RTN4IP1: variants seen among roughly 807,000 people sequenced by gnomAD.
The protein encoded by RTN4IP1 is NAD(P)H oxidoreductase RTN4IP1, mitochondrial.
A neutral mutation model predicts 46.6 loss-of-function variants in RTN4IP1; 32 were observed. The ratio of observed to expected loss-of-function variants is 0.69; its 90% CI spans 0.52 to 0.92. The LOEUF (loss-of-function observed/expected upper bound fraction) is 0.92, where lower values mean the gene tolerates loss of function less well. Among genes scored for constraint, RTN4IP1 ranks in the 40% least tolerant of loss-of-function variants. The probability of loss-of-function intolerance (pLI) is 0.00; values close to 1 mark genes in which losing one functional copy is unlikely to be tolerated. For synonymous variants in RTN4IP1, 167 were observed against 161.8 expected, an observed-to-expected ratio of 1.03 and a Z score of -0.24; for missense variants, 424 against 485.8, an observed-to-expected ratio of 0.87 and a Z score of 1.20.
At chr6:106,628,656 T>G (rs1776721038) in intron 1 of RTN4IP1, 92 bp downstream of exon 1, 1 of 1,207,394 alleles carries the variant, frequency 8.3e-7, no homozygotes, top group Admixed American at 2.5e-5. Flanking sequence ...TTCATTTATG[T>G]AAACCAAAGA....
intron 4 of RTN4IP1, among the ~76,000 whole-genome samples, chr6:106,608,018 A>G (rs1776130303): frequency 6.6e-6 from 1 of 152,200 alleles, no homozygotes; most frequent in Non-Finnish European, 1.5e-5. Flanking sequence ...TATCAAAGAG[A>G]TATCTGCACT....
chr6:106,576,595 G>C (rs563266859), intron 8 of RTN4IP1, among the ~76,000 whole-genome samples: 1 of 152,340 alleles, frequency 6.6e-6, no homozygotes, highest in East Asian at 1.9e-4. Context: ...TGCTAAACGA[G>C]GGCCCAGCTA....
upstream of RTN4IP1, chr6:106,629,615 C>T (rs1776763280): frequency 1.6e-5 from 25 of 1,554,110 alleles, no homozygotes; most frequent in Non-Finnish European, 2.2e-5. Flanking sequence ...TGTAACATCA[C>T]TAGCGACCGG....
rs1554195777 is a variant in RTN4IP1, at chr6:106,591,427, TTC to T, written c.806+735_806+736del. 9.7e-4 allele frequency among the ~76,000 whole-genome samples: 147 copies of T among 152,306 alleles called. 1 individual carries two copies. Among genetic ancestry groups the T allele is most frequent in the African/African-American group, 3.4e-3 (143 of 41,548 alleles). On this transcript the variant is annotated intron_variant, in intron 6 of 8. Transcript: ENST00000369063. ...GTGTCAGATAAGGACTCCCTTTTTT[TTC>T]TTTTTTCTTTCTCTTTAAAAATATA...
intron 3 of RTN4IP1, among the ~76,000 whole-genome samples, chr6:106,620,024 A>G (rs1380615992): frequency 6.6e-6 from 1 of 152,186 alleles, no homozygotes; most frequent in South Asian, 2.1e-4. Flanking sequence ...TATAATATAC[A>G]TAACATATTC....
At chr6:106,574,131 A>ATT (rs1274351644) in intron 8 of RTN4IP1, among the ~76,000 whole-genome samples, 1 of 152,184 alleles carries the variant, frequency 6.6e-6, no homozygotes, top group African/African-American at 2.4e-5. Flanking sequence ...GACTGCATTA[A>ATT]TGTTGCAGAA....
At chr6:106,624,790 G>C (rs1432091966) in intron 1 of RTN4IP1, among the ~76,000 whole-genome samples, 1 of 151,120 alleles carries the variant, frequency 6.6e-6, no homozygotes, top group Non-Finnish European at 1.5e-5. Context: ...TTAAAAATTA[G>C]CCAGGCATAG....
At chr6:106,610,252 T>TG (rs1243254435) in intron 4 of RTN4IP1, among the ~76,000 whole-genome samples, 1 of 151,908 alleles carries the variant, frequency 6.6e-6, no homozygotes, top group Non-Finnish European at 1.5e-5. Context: ...TTAGTAGAGA[T>TG]GGGGTTTCAC....
intron 8 of RTN4IP1, among the ~76,000 whole-genome samples, chr6:106,580,867 A>T (rs1461623859): frequency 6.6e-6 from 1 of 152,122 alleles, no homozygotes; most frequent in Non-Finnish European, 1.5e-5. Context: ...TTTGCAAAAG[A>T]CTGAAATTAA....
intron 4 of RTN4IP1, among the ~76,000 whole-genome samples, chr6:106,615,536 A>G (rs777528884): frequency 2.0e-4 from 31 of 152,102 alleles, no homozygotes; most frequent in Non-Finnish European, 3.7e-4. Flanking sequence ...GTGCAGTGGC[A>G]TGATCTCAGC....
chr6:106,578,402 C>T (rs1274904929), intron 8 of RTN4IP1, among the ~76,000 whole-genome samples: 2 of 152,162 alleles, frequency 1.3e-5, no homozygotes, highest in African/African-American at 4.8e-5. Flanking sequence ...TTTCCTCTTT[C>T]CAGTCTGTGA....
intron 2 of RTN4IP1, among the ~76,000 whole-genome samples, chr6:106,621,764 G>A (rs1258949645): frequency 7.2e-5 from 11 of 152,178 alleles, no homozygotes; most frequent in Admixed American, 7.2e-4. Context: ...AATCTCTGGG[G>A]TCTGAGTCCT....
chr6:106,597,456 C>T (rs1017965286), intron 5 of RTN4IP1, among the ~76,000 whole-genome samples: 3 of 152,102 alleles, frequency 2.0e-5, no homozygotes, highest in African/African-American at 7.2e-5. Flanking sequence ...GTGATCCTCA[C>T]ACCTCAGCCT....
At chr6:106,581,008 A>G (rs1775358809) in intron 8 of RTN4IP1, among the ~76,000 whole-genome samples, 1 of 151,134 alleles carries the variant, frequency 6.6e-6, no homozygotes, top group Admixed American at 6.6e-5. Flanking sequence ...AGGTTGCAGC[A>G]CAGTATGTTA....
At chr6:106,619,634 C>T (rs553499511) in intron 3 of RTN4IP1, among the ~76,000 whole-genome samples, 34 of 116,638 alleles carry the variant, frequency 2.9e-4, no homozygotes, top group East Asian at 2.4e-3. Flanking sequence ...TTTTTTGAGA[C>T]GGAGACTTGC....
At chr6:106,577,242 T>C (rs7451968) in intron 8 of RTN4IP1, among the ~76,000 whole-genome samples, 21,464 of 151,724 alleles carry the variant, frequency 0.14, 1,744 homozygotes, top group African/African-American at 0.21. Flanking sequence ...CAAGACCAGC[T>C]TGGGCAACAT....
chr6:106,583,469 T>A, intron 7 of RTN4IP1, 49 bp from the exon 8 acceptor site: 1 of 1,457,662 alleles, frequency 6.9e-7, no homozygotes, highest in South Asian at 1.2e-5. Flanking sequence ...ACATAAAATC[T>A]GACTAAATGC....
chr6:106,623,635 T>C (rs1167178793), intron 1 of RTN4IP1, among the ~76,000 whole-genome samples: 1 of 152,238 alleles, frequency 6.6e-6, no homozygotes, highest in Non-Finnish European at 1.5e-5. Context: ...AAAGTGATAA[T>C]CACTTATTAA....
chr6:106,576,874 G>A lies in RTN4IP1; in HGVS notation c.1084-4771C>T, dbSNP rs370420501. Among the ~76,000 whole-genome samples, 6 of 152,296 alleles carry A rather than the reference G, an allele frequency of 3.9e-5. No individual in the cohort carries two copies. The East Asian group carries it at 9.7e-4, about 25-fold the overall frequency. On this transcript the variant is annotated intron_variant, in intron 8 of 8. Coordinates refer to ENST00000369063, the MANE Select transcript of RTN4IP1 (RefSeq NM_032730.5). ...GACAGGCTGCTCAAAAGGTAACTGA[G>A]TGTGACCAACACATTTCTCCACCAT...
Sources: allele counts gnomAD v4.1 joint callset (sites outside exome capture counted in the v4.1 genomes callset), GRCh38; gene constraint gnomAD v4.1.1; transcripts MANE v1.5; gene names NCBI Gene and HGNC (gene_info 2026-07-23, HGNC 2026-07-21).